Variants in CCDC144A observed in about 807,000 individuals in gnomAD.
CCDC144A encodes coiled-coil domain-containing protein 144A.
Under a neutral mutation model 143.8 loss-of-function variants are expected in CCDC144A, and 41 were observed. The ratio of observed to expected loss-of-function variants is 0.29; its 90% CI spans 0.22 to 0.37. The LOEUF (loss-of-function observed/expected upper bound fraction) is 0.37, where lower values mean the gene tolerates loss of function less well. Among genes scored for constraint, CCDC144A ranks in the 10% least tolerant of loss-of-function variants. CCDC144A has a pLI of 1.00. For missense variants in CCDC144A, 637 were observed against 1,488.8 expected, an observed-to-expected ratio of 0.43 and a Z score of 9.41; for synonymous variants, 242 against 517.9, an observed-to-expected ratio of 0.47 and a Z score of 7.23.
rs4034508 is a variant in CCDC144A at position 16,775,468 on chromosome 17, A to G, written c.*1835A>G. 9.2e-4 allele frequency: 139 copies of G among 151,628 alleles called. No individual in the cohort carries two copies. The highest frequency in any genetic ancestry group is 3.3e-3 in the African/African-American group (137 of 40,936). The allele number at this position is 151,628 out of a possible 1,614,324, so 9.4% of individuals were successfully genotyped here. A position where few individuals can be genotyped will look rare whatever the true frequency, so the allele number is the denominator to read the frequency against. ...TTTCTCAGATGATCAGTGATGTTGA[A>G]GTTTTTTTGTTTGTTGGCTGCATGT... On this transcript the variant is annotated 3_prime_UTR_variant, in exon 17 of 17. Coordinates refer to ENST00000399273, the MANE Select transcript of CCDC144A (RefSeq NM_001382000.1).
At chr17:16,753,433 T>TTTTGTTGTTGTTG (rs1914906614) in intron 12 of CCDC144A, among the ~76,000 whole-genome samples, 5 of 121,102 alleles carry the variant, frequency 4.1e-5, no homozygotes, top group African/African-American at 2.2e-4. Flanking sequence ...TTGTAGTTTT[T>TTTTGTTGTTGTTG]TTTTTTTTTT....
the CCDC144A span, chr17:16,683,821 G>A: frequency 9.0e-3 from 12,760 of 1,417,712 alleles, 137 homozygotes; most frequent in Non-Finnish European, 0.011. Flanking sequence ...AGCCGAGCGT[G>A]AAGCCGGCGC....
At chr17:16,736,675 A>C (rs1442962337) in intron 12 of CCDC144A, among the ~76,000 whole-genome samples, 3 of 152,048 alleles carry the variant, frequency 2.0e-5, no homozygotes, top group African/African-American at 7.2e-5. Flanking sequence ...CAGGATTCAC[A>C]TATAGCAGGA....
intron 15 of CCDC144A, among the ~76,000 whole-genome samples, chr17:16,770,235 C>T (rs1312159806): frequency 3.9e-5 from 6 of 151,918 alleles, no homozygotes; most frequent in Admixed American, 2.0e-4. Context: ...CTGCAAGCTC[C>T]GCCTCCTGGG....
chr17:16,743,577 T>C (rs1031382146), intron 12 of CCDC144A, among the ~76,000 whole-genome samples: 3 of 152,228 alleles, frequency 2.0e-5, no homozygotes, highest in African/African-American at 4.8e-5. Flanking sequence ...TCTAGCTTTT[T>C]TGCAGTTCCA....
intron 1 of CCDC144A, among the ~76,000 whole-genome samples, chr17:16,691,606 C>CAAA (rs201650488): frequency 1.6e-3 from 230 of 148,336 alleles, no homozygotes; most frequent in African/African-American, 5.4e-3. Context: ...CTAAAAAATA[C>CAAA]AAAAAAAAAA....
intron 9 of CCDC144A, among the ~76,000 whole-genome samples, chr17:16,728,560 T>C (rs1913546473): frequency 6.6e-6 from 1 of 152,238 alleles, no homozygotes; most frequent in Non-Finnish European, 1.5e-5. Flanking sequence ...TCAAAAAATT[T>C]ATACAGTTTT....
chr17:16,727,760 A>T lies in CCDC144A; in HGVS notation c.2105+20A>T. 6.2e-7 allele frequency: 1 copy of T among 1,601,778 alleles called. No individual in the cohort carries two copies. The highest frequency in any genetic ancestry group is 8.5e-7 in the Non-Finnish European group (1 of 1,174,962). On this transcript the variant is annotated intron_variant, in intron 9 of 16. Transcript: ENST00000399273. Reference sequence around the variant, plus strand: ...TTTGAGGTATGATGTTCTAGTTCTAAAGAAATGTTTATACTAAAGACAATA... The same window carrying T: ...TTTGAGGTATGATGTTCTAGTTCTATAGAAATGTTTATACTAAAGACAATA...
At chr17:16,732,853 T>C (rs554351449) in intron 11 of CCDC144A, among the ~76,000 whole-genome samples, 187 bp downstream of exon 11, 19 of 151,304 alleles carry the variant, frequency 1.3e-4, no homozygotes, top group African/African-American at 3.9e-4. Context: ...AGTCATGTTC[T>C]TAATTCAACT....
chr17:16,669,043 T>C, the CCDC144A span, among the ~76,000 whole-genome samples: 1 of 152,236 alleles, frequency 6.6e-6, no homozygotes, highest in Admixed American at 6.5e-5. Context: ...TCCATAGTTG[T>C]TTAACTTTAT....
the CCDC144A span, chr17:16,667,211 T>C: frequency 4.8e-6 from 1 of 208,326 alleles, no homozygotes; most frequent in Non-Finnish European, 9.7e-6. Flanking sequence ...GCGGGTGAGC[T>C]AACGGCGGCG....
chr17:16,753,386 C>T (rs1352543913), intron 12 of CCDC144A, among the ~76,000 whole-genome samples: 8 of 148,730 alleles, frequency 5.4e-5, no homozygotes, highest in Non-Finnish European at 1.2e-4. Flanking sequence ...CAATATCTTC[C>T]ATGTTTGTGT....
At chr17:16,689,065 T>A (rs558243506), upstream of CCDC144A, among the ~76,000 whole-genome samples, 856 of 152,286 alleles carry the variant, frequency 5.6e-3, 10 homozygotes, top group African/African-American at 0.02. Context: ...TTCATAATGC[T>A]ATCTGTCTTA....
chr17:16,668,516 C>T, the CCDC144A span, among the ~76,000 whole-genome samples: 1,196 of 152,276 alleles, frequency 7.9e-3, 11 homozygotes, highest in African/African-American at 0.027. Flanking sequence ...TGTGCTTGGA[C>T]ACAAACACTC....
At chr17:16,667,288 T>C in the CCDC144A span, among the ~76,000 whole-genome samples, 304 of 128,040 alleles carry the variant, frequency 2.4e-3, no homozygotes, top group East Asian at 0.015. Flanking sequence ...GGCTGAGGGG[T>C]TGAGGCGGCT....
chr17:16,728,958 A>G (rs1282343404), intron 9 of CCDC144A, among the ~76,000 whole-genome samples: 3 of 152,192 alleles, frequency 2.0e-5, no homozygotes, highest in Non-Finnish European at 1.5e-5. Context: ...CATGACATAT[A>G]TATACCACAT....
chr17:16,708,746 C>A, intron 4 of CCDC144A, 50 bp from the exon 5 acceptor site: 1 of 1,610,494 alleles, frequency 6.2e-7, no homozygotes, highest in Non-Finnish European at 8.5e-7. Context: ...ACAGAGAAGA[C>A]ACCCAAGAAA....
intron 12 of CCDC144A, among the ~76,000 whole-genome samples, 179 bp downstream of exon 12, chr17:16,735,822 T>C (rs879939549): frequency 2.0e-5 from 3 of 151,360 alleles, no homozygotes; most frequent in Non-Finnish European, 4.4e-5. Context: ...AAAGATGCTT[T>C]ACTTTGCATA....
At chr17:16,718,387 A>G (rs1192221857) in intron 6 of CCDC144A, among the ~76,000 whole-genome samples, 1 of 152,128 alleles carries the variant, frequency 6.6e-6, no homozygotes, top group Admixed American at 6.5e-5. Flanking sequence ...AGGGACAAGG[A>G]TAACATGTTT....
Sources: allele counts gnomAD v4.1 joint callset (sites outside exome capture counted in the v4.1 genomes callset), GRCh38; gene constraint gnomAD v4.1.1; transcripts MANE v1.5; gene names NCBI Gene and HGNC (gene_info 2026-07-23, HGNC 2026-07-21).